The following CARMIL1 variants were observed in gnomAD, a reference collection of about 807,000 sequenced individuals.
The protein encoded by CARMIL1 is F-actin-uncapping protein LRRC16A.
A neutral mutation model predicts 177.1 loss-of-function variants in CARMIL1; 90 were observed. The observed-to-expected ratio is 0.51, with a 90% CI of 0.43 to 0.61. The LOEUF is 0.61. Ranked by LOEUF, CARMIL1 falls within the 20% of genes least tolerant of loss-of-function variation. The probability of loss-of-function intolerance (pLI) is 0.00; values close to 1 mark genes in which losing one functional copy is unlikely to be tolerated. For missense variants in CARMIL1, 1,380 were observed against 1,667.0 expected, an observed-to-expected ratio of 0.83 and a Z score of 3.00; for synonymous variants, 577 against 606.2, an observed-to-expected ratio of 0.95 and a Z score of 0.71.
chr6:25,390,836 G>A (rs542417907), intron 2 of CARMIL1, among the ~76,000 whole-genome samples: 3 of 152,238 alleles, frequency 2.0e-5, no homozygotes, highest in South Asian at 2.1e-4. Flanking sequence ...GATTACAGGC[G>A]TGAACACCAC....
At chr6:25,570,917 A>T (rs541776151) in intron 29 of CARMIL1, among the ~76,000 whole-genome samples, 98 of 152,336 alleles carry the variant, frequency 6.4e-4, no homozygotes, top group African/African-American at 2.3e-3. Context: ...GCAAAGGAAT[A>T]CTTTATGCTG....
chr6:25,445,335 A>G (rs1021743871), intron 5 of CARMIL1, among the ~76,000 whole-genome samples: 1 of 152,184 alleles, frequency 6.6e-6, no homozygotes, highest in Middle Eastern at 3.4e-3. Flanking sequence ...TATACCCTTC[A>G]AGGTCATCCA....
At chr6:25,450,906 TTTTC>T (rs1798795400) in intron 8 of CARMIL1, among the ~76,000 whole-genome samples, 195 bp downstream of exon 8, 1 of 87,706 alleles carries the variant, frequency 1.1e-5, no homozygotes, top group African/African-American at 3.9e-5. Flanking sequence ...TTCTTTTTTC[TTTTC>T]CTTCTCCTCT....
intron 29 of CARMIL1, among the ~76,000 whole-genome samples, chr6:25,570,437 TA>T (rs1336698510): frequency 6.6e-6 from 1 of 152,234 alleles, no homozygotes; most frequent in African/African-American, 2.4e-5. Context: ...AAAAATGTAT[TA>T]AATTTTATTT....
At chr6:25,513,075 G>T (rs556085761) in intron 20 of CARMIL1, among the ~76,000 whole-genome samples, 34 of 152,272 alleles carry the variant, frequency 2.2e-4, no homozygotes, top group African/African-American at 7.7e-4. Flanking sequence ...ATTAACTGGG[G>T]TGTATTAGAA....
chr6:25,398,274 G>T lies in CARMIL1; in HGVS notation c.139-21840G>T, dbSNP rs190737011. ...TCAACTAGGGATAATTCATTTGTTT[G>T]TATTCAGAATTCACAACTATGATAA... On this transcript the variant is annotated intron_variant, in intron 2 of 36. Transcript: ENST00000329474. Among the ~76,000 whole-genome samples, 11 of 152,202 alleles carry T rather than the reference G, an allele frequency of 7.2e-5. 1 individual carries two copies. The highest frequency in any genetic ancestry group is 5.9e-4 in the Admixed American group (9 of 15,284).
rs192357161 is a variant in CARMIL1, at chr6:25,553,497, G to A, written c.2505-512G>A. 2.5e-3 allele frequency among the ~76,000 whole-genome samples: 380 copies of A among 152,296 alleles called. 1 individual carries two copies. The highest frequency in any genetic ancestry group is 2.9e-3 in the Non-Finnish European group (196 of 68,016). On this transcript the variant is annotated intron_variant, in intron 27 of 36. Transcript: ENST00000329474. Reference sequence around the variant, plus strand: ...CTCTTCATAAAAGATAGGGGCAGGTGATTTTGTAAATAGTCAAAGTAAGAT... The same window carrying A: ...CTCTTCATAAAAGATAGGGGCAGGTAATTTTGTAAATAGTCAAAGTAAGAT...
intron 3 of CARMIL1, 41 bp from the exon 4 acceptor site, chr6:25,426,460 C>A: frequency 1.3e-5 from 18 of 1,386,526 alleles, no homozygotes; most frequent in Non-Finnish European, 1.7e-5. Flanking sequence ...TTAAAACCCT[C>A]ATTGCAGGTC....
intron 8 of CARMIL1, chr6:25,465,515 G>C (rs1440685949): frequency 1.1e-5 from 2 of 184,368 alleles, no homozygotes; most frequent in Non-Finnish European, 2.3e-5. Flanking sequence ...GTGGGACCCT[G>C]TCTCAAAAAA....
At chr6:25,420,020 AG>A (rs1212446424) in intron 2 of CARMIL1, 93 bp from the exon 3 acceptor site, 1 of 897,170 alleles carries the variant, frequency 1.1e-6, no homozygotes, top group Non-Finnish European at 1.9e-6. Flanking sequence ...TGGCCTTCTG[AG>A]GTTTCAGTAT....
chr6:25,317,807 C>T (rs372141037), intron 2 of CARMIL1, among the ~76,000 whole-genome samples: 5 of 151,954 alleles, frequency 3.3e-5, no homozygotes, highest in African/African-American at 4.8e-5. Flanking sequence ...TCAAGTCACC[C>T]GTCCGCATTA....
chr6:25,301,702 G>T (rs1367737076), intron 2 of CARMIL1, among the ~76,000 whole-genome samples: 1 of 152,178 alleles, frequency 6.6e-6, no homozygotes, highest in Admixed American at 6.5e-5. Context: ...CACCTGGGTA[G>T]CCTCTGCCTC....
At chr6:25,308,168 C>T (rs1783430393) in intron 2 of CARMIL1, among the ~76,000 whole-genome samples, 1 of 152,096 alleles carries the variant, frequency 6.6e-6, no homozygotes, top group Non-Finnish European at 1.5e-5. Flanking sequence ...TATTTCTTGT[C>T]TCTTTTGGTG....
chr6:25,382,214 C>G (rs528596562), intron 2 of CARMIL1, among the ~76,000 whole-genome samples: 1 of 152,294 alleles, frequency 6.6e-6, no homozygotes, highest in Admixed American at 6.5e-5. Context: ...TCTCATGCCT[C>G]AGTCTCCTGA....
intron 2 of CARMIL1, among the ~76,000 whole-genome samples, chr6:25,307,951 G>A (rs1023199930): frequency 2.7e-4 from 41 of 152,332 alleles, no homozygotes; most frequent in Non-Finnish European, 1.2e-4. Flanking sequence ...TTTATAGCAA[G>A]CAAGTGTTGT....
chr6:25,433,426 A>G (rs975870254), intron 4 of CARMIL1, among the ~76,000 whole-genome samples: 18 of 152,222 alleles, frequency 1.2e-4, no homozygotes, highest in Admixed American at 3.9e-4. Context: ...ATGGCACATC[A>G]AAAGTGTCTG....
intron 29 of CARMIL1, among the ~76,000 whole-genome samples, chr6:25,567,913 C>T (rs2151209521): frequency 6.6e-6 from 1 of 152,326 alleles, no homozygotes; most frequent in South Asian, 2.1e-4. Context: ...ATGGGCCTGT[C>T]AAATTCTCAG....
At chr6:25,391,256 T>G (rs1388259689) in intron 2 of CARMIL1, among the ~76,000 whole-genome samples, 1 of 152,232 alleles carries the variant, frequency 6.6e-6, no homozygotes, top group Non-Finnish European at 1.5e-5. Context: ...GGGGGTCATT[T>G]CCATAGGACA....
intron 24 of CARMIL1, among the ~76,000 whole-genome samples, chr6:25,534,620 G>C (rs1808109381): frequency 6.6e-6 from 1 of 152,120 alleles, no homozygotes; most frequent in African/African-American, 2.4e-5. Context: ...TGAATAAACA[G>C]TTGTAGAAGT....
Sources: allele counts gnomAD v4.1 joint callset (sites outside exome capture counted in the v4.1 genomes callset), GRCh38; gene constraint gnomAD v4.1.1; transcripts MANE v1.5; gene names NCBI Gene and HGNC (gene_info 2026-07-23, HGNC 2026-07-21).